The following SLC25A28 variants were observed in gnomAD, a reference collection of about 807,000 sequenced individuals.
SLC25A28 encodes the protein solute carrier family 25 member 28, also known as mitoferrin-2.
In SLC25A28, 10 loss-of-function variants were observed where a neutral mutation model predicts 31.9. The observed-to-expected ratio is 0.31, with a 90% CI of 0.19 to 0.53. SLC25A28 has a LOEUF of 0.53. Ranked by LOEUF, SLC25A28 falls within the 20% of genes least tolerant of loss-of-function variation. The pLI is 0.95. For missense variants in SLC25A28, 256 were observed against 490.3 expected (o/e 0.52, Z 4.51); for synonymous variants, 208 against 203.6 (o/e 1.02, Z -0.19).
At chr10:99,627,202 C>T in the SLC25A28 span, among the ~76,000 whole-genome samples, 4 of 151,906 alleles carry the variant, frequency 2.6e-5, no homozygotes, top group East Asian at 7.7e-4. Flanking sequence ...GATCATGCCA[C>T]CGCACTCCAG....
chr10:99,653,243 C>T, the SLC25A28 span, among the ~76,000 whole-genome samples: 3 of 152,120 alleles, frequency 2.0e-5, no homozygotes, highest in East Asian at 1.9e-4. Flanking sequence ...CTACCTGGCT[C>T]GTTCTCTTTA....
upstream of SLC25A28, chr10:99,621,366 G>C (rs1448289763): frequency 6.6e-6 from 1 of 152,482 alleles, no homozygotes; most frequent in Non-Finnish European, 1.5e-5. Flanking sequence ...GGAAGATGTC[G>C]AAATGGGCGG....
the SLC25A28 span, among the ~76,000 whole-genome samples, chr10:99,638,104 G>T: frequency 6.6e-6 from 1 of 152,074 alleles, no homozygotes; most frequent in Non-Finnish European, 1.5e-5. Flanking sequence ...GGCATACAGA[G>T]CAATGGAAAA....
the SLC25A28 span, among the ~76,000 whole-genome samples, chr10:99,647,877 T>C: frequency 6.6e-6 from 1 of 152,216 alleles, no homozygotes; most frequent in Non-Finnish European, 1.5e-5. Flanking sequence ...CATATGGCCA[T>C]CCAATTTTCC....
At chr10:99,632,397 T>A in the SLC25A28 span, among the ~76,000 whole-genome samples, 1 of 152,114 alleles carries the variant, frequency 6.6e-6, no homozygotes, top group Non-Finnish European at 1.5e-5. Flanking sequence ...GGTGGGTGTG[T>A]GTCCTAGAAC....
chr10:99,615,844 C>G, intron 1 of SLC25A28: 1 of 985,254 alleles, frequency 1.0e-6, no homozygotes, highest in Non-Finnish European at 1.2e-6. Context: ...TCAGCAATTG[C>G]ATTGCTCTGC....
At chr10:99,618,170 A>G in intron 1 of SLC25A28, 1 of 757,970 alleles carries the variant, frequency 1.3e-6, no homozygotes, top group Non-Finnish European at 1.6e-6. Context: ...CATGCACCCA[A>G]ATATTCTAGA....
chr10:99,620,701 G>C (rs1478570815), upstream of SLC25A28: 7 of 986,056 alleles, frequency 7.1e-6, no homozygotes, highest in Non-Finnish European at 7.2e-6. Flanking sequence ...TAGAAGGGCG[G>C]GAGAAACTTA....
the SLC25A28 span, among the ~76,000 whole-genome samples, chr10:99,658,816 C>T: frequency 6.6e-6 from 1 of 152,168 alleles, no homozygotes; most frequent in Non-Finnish European, 1.5e-5. Context: ...GAAAGAAACA[C>T]ACACACACCC....
chr10:99,640,580 T>C, the SLC25A28 span, among the ~76,000 whole-genome samples: 1 of 152,216 alleles, frequency 6.6e-6, no homozygotes. Context: ...CTTTTTTTTA[T>C]TATACTTTAA....
intron 1 of SLC25A28, 124 bp downstream of exon 1, chr10:99,619,921 G>C: frequency 2.1e-6 from 2 of 971,706 alleles, no homozygotes; most frequent in Non-Finnish European, 2.8e-6. Flanking sequence ...GAATCATGTG[G>C]TAGTGGCAGG....
the SLC25A28 span, among the ~76,000 whole-genome samples, chr10:99,636,537 C>CT: frequency 6.6e-6 from 1 of 152,118 alleles, no homozygotes; most frequent in Admixed American, 6.5e-5. Flanking sequence ...AACTGACATT[C>CT]TAAGGTCACA....
the SLC25A28 span, among the ~76,000 whole-genome samples, chr10:99,631,612 G>C: frequency 6.6e-6 from 1 of 152,208 alleles, no homozygotes; most frequent in South Asian, 2.1e-4. Context: ...AGTATAAACA[G>C]AAAGCCTCAT....
chr10:99,635,681 A>AAC, the SLC25A28 span, among the ~76,000 whole-genome samples: 1 of 151,688 alleles, frequency 6.6e-6, no homozygotes, highest in Non-Finnish European at 1.5e-5. Context: ...CCATCTCAAA[A>AAC]AAAAAAAGAG....
chr10:99,647,951 G>T, the SLC25A28 span, among the ~76,000 whole-genome samples: 2,214 of 151,874 alleles, frequency 0.015, 60 homozygotes, highest in African/African-American at 0.05. Flanking sequence ...CTTGTCAAAG[G>T]TCAGTTTGTT....
the SLC25A28 span, among the ~76,000 whole-genome samples, chr10:99,634,439 T>TA: frequency 6.8e-3 from 824 of 121,008 alleles, 4 homozygotes; most frequent in African/African-American, 0.023. Flanking sequence ...GGAAATAGCA[T>TA]AAAAAAAAGC....
At chr10:99,650,603 A>C in the SLC25A28 span, among the ~76,000 whole-genome samples, 19 of 151,984 alleles carry the variant, frequency 1.3e-4, no homozygotes, top group Non-Finnish European at 2.5e-4. Flanking sequence ...AAGCAGTGTG[A>C]GCAAGAAGCT....
At chr10:99,646,071 C>G in the SLC25A28 span, among the ~76,000 whole-genome samples, 10 of 152,294 alleles carry the variant, frequency 6.6e-5, no homozygotes, top group East Asian at 1.9e-3. Context: ...CTGGGAGAAC[C>G]ACTACTCTCT....
chr10:99,622,760 T>C (rs2034819930), upstream of SLC25A28: 17 of 961,904 alleles, frequency 1.8e-5, no homozygotes, highest in South Asian at 7.2e-4. Context: ...TTTAATACCT[T>C]AGAGAACTTT....
Sources: gnomAD v4.1 joint callset for allele counts (sites outside exome capture counted in the v4.1 genomes callset) on GRCh38, gnomAD v4.1.1 for gene constraint, MANE v1.5 for transcripts, NCBI Gene and HGNC (gene_info 2026-07-23, HGNC 2026-07-21) for gene names.